Variants in ATP1B3 observed in about 807,000 individuals in gnomAD.
ATP1B3 encodes sodium/potassium-transporting ATPase subunit beta-3.
Under a neutral mutation model 30.2 loss-of-function variants are expected in ATP1B3, and 10 were observed. The observed-to-expected ratio is 0.33, with a 90% confidence interval of 0.20 to 0.56. The LOEUF is 0.56. Ranked by LOEUF, ATP1B3 falls within the 20% of genes least tolerant of loss-of-function variation. The pLI, the probability that ATP1B3 is intolerant of heterozygous loss-of-function variation, is 0.90. For synonymous variants in ATP1B3, 113 were observed against 117.0 expected (o/e 0.97, Z 0.22); for missense variants, 238 against 336.7 (o/e 0.71, Z 2.29).
chr3:141,879,553 C>CT (rs1933680213), intron 1 of ATP1B3, among the ~76,000 whole-genome samples: 1 of 151,672 alleles, frequency 6.6e-6, no homozygotes, highest in Non-Finnish European at 1.5e-5. Context: ...GGGTGGATCA[C>CT]TTGAGGGCAG....
chr3:141,908,027 G>C (rs1004650379), intron 3 of ATP1B3, among the ~76,000 whole-genome samples: 11 of 140,014 alleles, frequency 7.9e-5, no homozygotes, highest in Non-Finnish European at 1.7e-4. Context: ...GGTCAGTATA[G>C]TTATTGAGAA....
chr3:141,918,913 G>A (rs575124422), intron 5 of ATP1B3: 115 of 152,266 alleles, frequency 7.6e-4, no homozygotes, highest in African/African-American at 2.6e-3. Context: ...CAAAGCAGGT[G>A]GAGTTTTAAT....
intron 1 of ATP1B3, among the ~76,000 whole-genome samples, chr3:141,901,046 G>A (rs1306092265): frequency 6.6e-6 from 1 of 152,218 alleles, no homozygotes; most frequent in East Asian, 1.9e-4. Flanking sequence ...GCCTCCCAAA[G>A]TGCTGGGATT....
intron 2 of ATP1B3, among the ~76,000 whole-genome samples, chr3:141,904,836 A>G (rs1934235611): frequency 1.3e-5 from 2 of 150,818 alleles, no homozygotes; most frequent in Admixed American, 6.6e-5. Flanking sequence ...CAGCCTCCCA[A>G]GGAGCTGGGA....
chr3:141,901,448 T>A (rs960432969), intron 1 of ATP1B3, among the ~76,000 whole-genome samples: 1 of 152,182 alleles, frequency 6.6e-6, no homozygotes, highest in Non-Finnish European at 1.5e-5. Flanking sequence ...CTAGTTTAAG[T>A]TTTTAAAAAT....
chr3:141,908,089 T>A lies in ATP1B3; in HGVS notation c.346+815T>A, dbSNP rs532896632. ...CATTCTTTTTTTTTTTTTTTTTTTTTATTATACTTTAAGTTCTAGGGTACG... is the reference window on the plus strand; with the variant it reads ...CATTCTTTTTTTTTTTTTTTTTTTTAATTATACTTTAAGTTCTAGGGTACG... On this transcript the variant is annotated intron_variant, in intron 3 of 6. Coordinates refer to ENST00000286371, the MANE Select transcript of ATP1B3 (RefSeq NM_001679.4). 9.3e-3 allele frequency among the ~76,000 whole-genome samples: 1,212 copies of A among 130,544 alleles called. 22 individuals carry two copies. The highest frequency in any genetic ancestry group is 0.035 in the African/African-American group (1,111 of 31,984). The allele number at this position is 130,544 out of a possible 152,430, so 85.6% of individuals were successfully genotyped here. A position where few individuals can be genotyped will look rare whatever the true frequency, so the allele number is the denominator to read the frequency against.
At position 141,916,008 on chromosome 3, in the gene ATP1B3, T is replaced by C. The variant is rs1409528355; in HGVS notation, c.570T>C (p.Asp190=). Residue 190 remains aspartate (D), a synonymous_variant, in exon 5 of 7, where the codon GAT becomes GAC. Coordinates refer to ENST00000286371, the MANE Select transcript of ATP1B3 (RefSeq NM_001679.4). The part of the protein sequence containing the change: ...GLKPEGVPRI[D]CVSKNEDIPN... ...AGCCTGAAGGAGTGCCAAGGATAGA[T>C]TGTGTTTCAAAGGTTAGTATTCAAA... The C allele has an allele frequency of 3.1e-6, 5 of 1,606,040 alleles. No individual in the cohort carries two copies. Among genetic ancestry groups the C allele is most frequent in the Non-Finnish European group, 4.3e-6 (5 of 1,175,868 alleles).
At position 141,926,417 on chromosome 3, in the gene ATP1B3, C is replaced by T. The variant is rs1934662220; in HGVS notation, c.*716C>T. 6.6e-6 allele frequency: 1 copy of T among 152,052 alleles called. No homozygotes were observed. Among genetic ancestry groups the T allele is most frequent in the Admixed American group, 6.6e-5 (1 of 15,260 alleles). The allele number at this position is 152,052 out of a possible 1,614,324, so 9.4% of individuals were successfully genotyped here. A position where few individuals can be genotyped will look rare whatever the true frequency, so the allele number is the denominator to read the frequency against. On this transcript the variant is annotated 3_prime_UTR_variant, in exon 7 of 7. Coordinates refer to ENST00000286371, the MANE Select transcript of ATP1B3 (RefSeq NM_001679.4). The stretch of plus-strand genomic sequence containing the variant: ...ACCTAATTTTTTATGAGATTAAATT[C>T]ATAAGACTTAATTTGTACAATAGTT...
chr3:141,904,624 A>G (rs906650127), intron 2 of ATP1B3, among the ~76,000 whole-genome samples: 8 of 151,752 alleles, frequency 5.3e-5, no homozygotes, highest in African/African-American at 1.9e-4. Context: ...AATTCATTAT[A>G]CAGGAGAATG....
At chr3:141,877,788 T>A (rs973538908) in intron 1 of ATP1B3, among the ~76,000 whole-genome samples, 3 of 151,948 alleles carry the variant, frequency 2.0e-5, no homozygotes, top group African/African-American at 7.2e-5. Context: ...TTAGGATGCC[T>A]TTTTTTCCTA....
Position 141,876,714 on chromosome 3 carries a change from TGCGCCGCCGGAGCCGGGAC to T in ATP1B3, c.-82_-64del. 1 of 996,592 alleles carries T rather than the reference TGCGCCGCCGGAGCCGGGAC, an allele frequency of 1.0e-6. No homozygotes were observed. The highest frequency in any genetic ancestry group is 1.5e-6 in the Non-Finnish European group (1 of 665,556). 61.7% of individuals were successfully genotyped at this position (996,592 alleles called of 1,614,324 possible). A position where few individuals can be genotyped will look rare whatever the true frequency, so the allele number is the denominator to read the frequency against. On this transcript the variant is annotated 5_prime_UTR_variant, in exon 1 of 7. Coordinates refer to ENST00000286371, the MANE Select transcript of ATP1B3 (RefSeq NM_001679.4). ...CCACCCTTCACTGCCGTCTCCGGGC[TGCGCCGCCGGAGCCGGGAC>T]GCGCCTCCGCAGCCCTCGCCGCCTC... is the stretch of plus-strand genomic sequence containing the variant.
At chr3:141,889,922 G>C (rs1318010939) in intron 1 of ATP1B3, among the ~76,000 whole-genome samples, 1 of 150,424 alleles carries the variant, frequency 6.6e-6, no homozygotes, top group East Asian at 1.9e-4. Flanking sequence ...TCAAGCACTG[G>C]ATATTATAAC....
At chr3:141,924,505 T>C (rs547598184) in intron 6 of ATP1B3, among the ~76,000 whole-genome samples, 17 of 151,878 alleles carry the variant, frequency 1.1e-4, no homozygotes, top group Non-Finnish European at 2.1e-4. Context: ...AAAAATTAGC[T>C]GGGTATGGTG....
intron 6 of ATP1B3, among the ~76,000 whole-genome samples, chr3:141,924,792 A>G (rs565054370): frequency 6.6e-6 from 1 of 152,160 alleles, no homozygotes; most frequent in Admixed American, 6.5e-5. Context: ...CCGTCTATTA[A>G]AAATACAAAA....
intron 6 of ATP1B3, 55 bp from the exon 7 acceptor site, chr3:141,925,476 A>T: frequency 6.6e-7 from 1 of 1,523,004 alleles, no homozygotes; most frequent in Non-Finnish European, 8.8e-7. Context: ...CCTGGTAGAG[A>T]GAAGTATTAA....
intron 1 of ATP1B3, among the ~76,000 whole-genome samples, chr3:141,881,022 G>A (rs1248568730): frequency 1.3e-5 from 2 of 152,098 alleles, no homozygotes; most frequent in Non-Finnish European, 2.9e-5. Context: ...TGGCCAACAT[G>A]GCGAAATCCG....
intron 1 of ATP1B3, among the ~76,000 whole-genome samples, chr3:141,882,184 T>C (rs2107926790): frequency 6.6e-6 from 1 of 152,352 alleles, no homozygotes; most frequent in South Asian, 2.1e-4. Flanking sequence ...TAAGGACCAG[T>C]CATTTAACAC....
chr3:141,922,224 C>G (rs1484947487), intron 6 of ATP1B3, 161 bp downstream of exon 6: 5 of 505,704 alleles, frequency 9.9e-6, no homozygotes, highest in Non-Finnish European at 1.8e-5. Context: ...AAATGGAGTT[C>G]CCACATTTAC....
intron 1 of ATP1B3, chr3:141,877,401 C>T (rs1467442257): frequency 6.6e-6 from 1 of 152,314 alleles, no homozygotes; most frequent in Non-Finnish European, 1.5e-5. Context: ...CCGCCGCTAT[C>T]TTGTGACTCG....
Sources: allele counts gnomAD v4.1 joint callset (sites outside exome capture counted in the v4.1 genomes callset), GRCh38; gene constraint gnomAD v4.1.1; transcripts MANE v1.5; gene names NCBI Gene and HGNC (gene_info 2026-07-23, HGNC 2026-07-21).